The following NARS2 variants were observed in gnomAD, a reference collection of about 807,000 sequenced individuals.
NARS2 encodes asparaginyl-tRNA synthetase.
NARS2 carries 60 observed loss-of-function variants against 62.9 expected under a neutral mutation model. The observed-to-expected ratio is 0.95, with a 90% CI of 0.77 to 1.18. The LOEUF (loss-of-function observed/expected upper bound fraction) is 1.18, where lower values mean the gene tolerates loss of function less well. NARS2 is among the 50% of genes most tolerant of loss of function. The pLI is 0.00. For missense variants in NARS2, 619 were observed against 576.4 expected (o/e 1.07, Z -0.76); for synonymous variants, 196 against 200.0 (o/e 0.98, Z 0.17).
chr11:78,457,225 T>C (rs1858198376), intron 11 of NARS2, among the ~76,000 whole-genome samples: 1 of 152,238 alleles, frequency 6.6e-6, no homozygotes, highest in South Asian at 2.1e-4. Context: ...TGTAAAAACA[T>C]ACCATTTTAC....
At chr11:78,481,682 T>C (rs1338991975) in intron 7 of NARS2, among the ~76,000 whole-genome samples, 2 of 152,174 alleles carry the variant, frequency 1.3e-5, no homozygotes, top group Non-Finnish European at 2.9e-5. Context: ...GTCTTAAAAA[T>C]GTTAGTTAGT....
intron 7 of NARS2, among the ~76,000 whole-genome samples, chr11:78,478,922 G>A (rs1476061833): frequency 6.6e-6 from 1 of 152,112 alleles, no homozygotes; most frequent in African/African-American, 2.4e-5. Context: ...TTTCAATGCT[G>A]GTAAAGAAGT....
intron 5 of NARS2, among the ~76,000 whole-genome samples, chr11:78,553,189 G>C (rs1856191525): frequency 6.6e-6 from 1 of 151,990 alleles, no homozygotes; most frequent in Non-Finnish European, 1.5e-5. Context: ...GTTTTGATTT[G>C]CATTTCTCTA....
At chr11:78,465,784 T>C in intron 11 of NARS2, 92 bp downstream of exon 11, 2 of 1,367,340 alleles carry the variant, frequency 1.5e-6, no homozygotes, top group Non-Finnish European at 2.1e-6. Context: ...AGAGATAGAG[T>C]GATAGATGAC....
intron 1 of NARS2, chr11:78,573,581 AAC>A (rs1857008232): frequency 6.6e-6 from 1 of 152,206 alleles, no homozygotes; most frequent in East Asian, 1.9e-4. Flanking sequence ...CCTAATAAGA[AAC>A]AGTCAAACAC....
intron 5 of NARS2, among the ~76,000 whole-genome samples, chr11:78,544,882 A>AG (rs1193004806): frequency 6.6e-6 from 1 of 150,450 alleles, no homozygotes. Flanking sequence ...CAGGAGGCTG[A>AG]GGCAGAAGAA....
intron 7 of NARS2, among the ~76,000 whole-genome samples, chr11:78,485,594 T>C (rs925377748): frequency 6.6e-6 from 1 of 152,162 alleles, no homozygotes; most frequent in Non-Finnish European, 1.5e-5. Context: ...ATCTGTTTAG[T>C]AGGCATAGGA....
chr11:78,452,901 G>C (rs945286547), intron 11 of NARS2, among the ~76,000 whole-genome samples: 1 of 152,148 alleles, frequency 6.6e-6, no homozygotes, highest in African/African-American at 2.4e-5. Context: ...CAAAGAGAAA[G>C]GAAGGTAGGA....
At chr11:78,465,839 G>A in intron 11 of NARS2, 37 bp downstream of exon 11, 1 of 1,610,868 alleles carries the variant, frequency 6.2e-7, no homozygotes. Flanking sequence ...CCCAACCTAA[G>A]AGGACTAACC....
rs183029701 is a variant in NARS2, at chr11:78,504,711, C to T, written c.690-11516G>A. 3.3e-3 allele frequency among the ~76,000 whole-genome samples: 502 copies of T among 152,266 alleles called. 2 individuals carry two copies. The highest frequency in any genetic ancestry group is 3.2e-3 in the Non-Finnish European group (216 of 68,020). On this transcript the variant is annotated intron_variant, in intron 6 of 13. Coordinates refer to ENST00000281038, the MANE Select transcript of NARS2 (RefSeq NM_024678.6). Reference sequence around the variant, plus strand: ...TTTTCCTACAGTCTTTGTTACAGCACATCTTCTACAGCCTATGAGGCATTT... The same window carrying T: ...TTTTCCTACAGTCTTTGTTACAGCATATCTTCTACAGCCTATGAGGCATTT...
At chr11:78,466,953 C>T (rs1024010324) in intron 10 of NARS2, among the ~76,000 whole-genome samples, 1 of 141,924 alleles carries the variant, frequency 7.0e-6, no homozygotes, top group African/African-American at 2.9e-5. Flanking sequence ...TCCCTGACTT[C>T]ATGAAGCTTC....
rs1480089282 is a variant in NARS2, at chr11:78,436,341, G to A, written c.*329C>T. On this transcript the variant is annotated 3_prime_UTR_variant, in exon 14 of 14. Coordinates refer to ENST00000281038, the MANE Select transcript of NARS2 (RefSeq NM_024678.6). ...CACAGGGAGTGATTTAATGATTATA[G>A]ACAACGTAAAATACATTATCTCATT... 5.0e-6 allele frequency: 1 copy of A among 200,816 alleles called. No homozygotes were observed. The highest frequency in any genetic ancestry group is 5.5e-5 in the Admixed American group (1 of 18,232). 12.4% of individuals were successfully genotyped at this position (200,816 alleles called of 1,614,324 possible).
chr11:78,538,337 A>G (rs1241993152), intron 5 of NARS2, among the ~76,000 whole-genome samples: 1 of 152,178 alleles, frequency 6.6e-6, no homozygotes, highest in Non-Finnish European at 1.5e-5. Flanking sequence ...TATACACCTC[A>G]TTCATTCATC....
chr11:78,567,579 C>T (rs974054569), intron 3 of NARS2, among the ~76,000 whole-genome samples: 3 of 152,022 alleles, frequency 2.0e-5, no homozygotes, highest in Non-Finnish European at 4.4e-5. Context: ...AAATGGTTAC[C>T]GTCTATATTA....
At chr11:78,526,926 T>C (rs1239139042) in intron 6 of NARS2, among the ~76,000 whole-genome samples, 2 of 152,188 alleles carry the variant, frequency 1.3e-5, no homozygotes, top group African/African-American at 4.8e-5. Flanking sequence ...GTGATGTCCT[T>C]TCAAGGTATT....
In NARS2 at chr11:78,574,641, CAGG is replaced by C. The variant is rs1857064602; in HGVS notation, c.-156_-154del. The C allele has an allele frequency of 1.3e-6, 1 of 762,908 alleles. No homozygotes were observed. Among genetic ancestry groups the C allele is most frequent in the Non-Finnish European group, 2.1e-6 (1 of 487,016 alleles). The allele number at this position is 762,908 out of a possible 1,614,324, so 47.3% of individuals were successfully genotyped here. A position where few individuals can be genotyped will look rare whatever the true frequency, so the allele number is the denominator to read the frequency against. On this transcript the variant is annotated 5_prime_UTR_variant, in exon 1 of 14. Transcript: ENST00000281038. ...CCCCTCGGCTGCGCGCTTTCTCCTT[CAGG>C]ACTCCCAGCTCTGTCCCCACAGAAC...
At chr11:78,474,722 T>C (rs781106331) in intron 9 of NARS2, among the ~76,000 whole-genome samples, 9 of 152,198 alleles carry the variant, frequency 5.9e-5, no homozygotes, top group Non-Finnish European at 1.2e-4. Flanking sequence ...AATTTAAACA[T>C]AGCCTCTGAC....
chr11:78,483,323 T>C (rs1859436948), intron 7 of NARS2, among the ~76,000 whole-genome samples: 1 of 152,176 alleles, frequency 6.6e-6, no homozygotes, highest in Non-Finnish European at 1.5e-5. Context: ...ATTTGAAAAC[T>C]GGCACAAGAC....
At chr11:78,441,243 C>A in intron 12 of NARS2, 126 bp from the exon 13 acceptor site, 1 of 751,458 alleles carries the variant, frequency 1.3e-6, no homozygotes, top group African/African-American at 1.7e-5. Flanking sequence ...CCTCTGCTCT[C>A]AAGTAATACT....
Sources: allele counts gnomAD v4.1 joint callset (sites outside exome capture counted in the v4.1 genomes callset), GRCh38; gene constraint gnomAD v4.1.1; transcripts MANE v1.5; gene names NCBI Gene and HGNC (gene_info 2026-07-23, HGNC 2026-07-21).